SNX29: variants seen among roughly 807,000 people sequenced by gnomAD.
SNX29 encodes the protein sorting nexin 29.
SNX29 carries 78 observed loss-of-function variants against 102.1 expected under a neutral mutation model. The ratio of observed to expected loss-of-function variants is 0.76; its 90% CI spans 0.64 to 0.92. SNX29 has a LOEUF of 0.92. SNX29 is among the 40% of genes least tolerant of loss of function. The probability of loss-of-function intolerance (pLI) is 0.00; values close to 1 mark genes in which losing one functional copy is unlikely to be tolerated. For synonymous variants in SNX29, 580 were observed against 414.5 expected, an observed-to-expected ratio of 1.40 and a Z score of -4.85; for missense variants, 1,280 against 1,061.7, an observed-to-expected ratio of 1.21 and a Z score of -2.86.
intron 14 of SNX29, among the ~76,000 whole-genome samples, chr16:12,214,139 A>AG (rs869207229): frequency 9.4e-6 from 1 of 106,110 alleles, no homozygotes; most frequent in African/African-American, 2.9e-5. Context: ...CCTCCCTGGC[A>AG]GGGGCTTTCT....
chr16:12,039,440 G>A (rs2057567440), intron 4 of SNX29, among the ~76,000 whole-genome samples: 1 of 152,154 alleles, frequency 6.6e-6, no homozygotes, highest in African/African-American at 2.4e-5. Flanking sequence ...AGTTCTTGTT[G>A]TCTCTAGCTG....
At chr16:12,533,318 C>G (rs1160464662) in intron 20 of SNX29, among the ~76,000 whole-genome samples, 1 of 152,232 alleles carries the variant, frequency 6.6e-6, no homozygotes, top group Non-Finnish European at 1.5e-5. Context: ...TGTTCGTGGG[C>G]TGGTACCTGT....
chr16:12,458,018 T>C (rs183225297), intron 18 of SNX29, among the ~76,000 whole-genome samples: 31 of 152,332 alleles, frequency 2.0e-4, no homozygotes, highest in Admixed American at 1.6e-3. Flanking sequence ...CTGAAATGAT[T>C]ACTGCAAAAA....
intron 16 of SNX29, among the ~76,000 whole-genome samples, chr16:12,387,437 TC>T (rs1194510418): frequency 6.6e-6 from 1 of 150,674 alleles, no homozygotes; most frequent in African/African-American, 2.4e-5. Context: ...CAGGTTCCCA[TC>T]CAAGCTGAGC....
chr16:12,417,125 A>G (rs569943039), intron 18 of SNX29, among the ~76,000 whole-genome samples: 4 of 152,336 alleles, frequency 2.6e-5, no homozygotes, highest in African/African-American at 9.6e-5. Context: ...CTACCATTCC[A>G]TGAGACAATC....
intron 4 of SNX29, among the ~76,000 whole-genome samples, chr16:12,037,816 A>G (rs946969001): frequency 2.6e-5 from 4 of 151,976 alleles, no homozygotes; most frequent in African/African-American, 4.8e-5. Flanking sequence ...TTAGCCGTGT[A>G]TGGTGGTGTA....
chr16:12,445,493 C>G (rs1378943798), intron 18 of SNX29, among the ~76,000 whole-genome samples: 1 of 152,178 alleles, frequency 6.6e-6, no homozygotes, highest in African/African-American at 2.4e-5. Flanking sequence ...GCCCACCTTG[C>G]TCACAACACA....
rs190846226 is a variant in SNX29, at chr16:12,326,106, A to G, written c.1783-30057A>G. On this transcript the variant is annotated intron_variant, in intron 15 of 20. Coordinates refer to ENST00000566228, the MANE Select transcript of SNX29 (RefSeq NM_032167.5). ...AGTGGTGCGATCTTGGCTCACTGCA[A>G]CCTCTGCCTCCCGGGTTCAAGCGAT... is the stretch of plus-strand genomic sequence containing the variant. Among the ~76,000 whole-genome samples the G allele has an allele frequency of 9.1e-3, 1,371 of 150,956 alleles. 29 individuals carry two copies. Among genetic ancestry groups the G allele is most frequent in the African/African-American group, 0.032 (1,300 of 41,198 alleles).
At chr16:12,487,137 C>T (rs1197842167) in intron 19 of SNX29, among the ~76,000 whole-genome samples, 3 of 152,156 alleles carry the variant, frequency 2.0e-5, no homozygotes, top group Non-Finnish European at 4.4e-5. Flanking sequence ...GTGGTTACAT[C>T]TGTAAAGTGC....
intron 14 of SNX29, among the ~76,000 whole-genome samples, chr16:12,203,104 T>TGC (rs2076954694): frequency 2.0e-5 from 2 of 101,118 alleles, no homozygotes; most frequent in African/African-American, 3.9e-5. Flanking sequence ...TGTGGCCCCA[T>TGC]TCTCAGGTGG....
intron 9 of SNX29, among the ~76,000 whole-genome samples, chr16:12,067,374 G>T (rs931310665): frequency 6.6e-6 from 1 of 152,108 alleles, no homozygotes; most frequent in Non-Finnish European, 1.5e-5. Context: ...AAAGATGGAG[G>T]GAATGGCATG....
intron 14 of SNX29, among the ~76,000 whole-genome samples, chr16:12,211,036 T>C (rs1008013880): frequency 2.6e-5 from 4 of 152,154 alleles, no homozygotes; most frequent in African/African-American, 9.7e-5. Context: ...CTTCATAAGC[T>C]GTTTTTCCCA....
At position 11,996,871 on chromosome 16, in the gene SNX29, A is replaced by G. The variant is rs575429218; in HGVS notation, c.8-2426A>G. ...TTGAGATGCCTCATGGCTGGTGGGA[A>G]TGGTGCCTAGGCTATTCTTGATCGA... On this transcript the variant is annotated intron_variant, in intron 1 of 20. Coordinates refer to ENST00000566228, the MANE Select transcript of SNX29 (RefSeq NM_032167.5). 5.9e-5 allele frequency among the ~76,000 whole-genome samples: 9 copies of G among 152,278 alleles called. No individual in the cohort carries two copies. In the East Asian group the frequency reaches 1.5e-3, roughly 26 times the overall value.
At chr16:12,511,295 C>T (rs969747023) in intron 19 of SNX29, among the ~76,000 whole-genome samples, 17 of 152,234 alleles carry the variant, frequency 1.1e-4, no homozygotes, top group Non-Finnish European at 2.2e-4. Flanking sequence ...GGAACTCAAG[C>T]AGACGTGGCT....
chr16:12,419,569 C>A (rs201871366), intron 18 of SNX29, among the ~76,000 whole-genome samples: 10 of 151,886 alleles, frequency 6.6e-5, no homozygotes, highest in South Asian at 2.1e-4. Context: ...TCAGCCCCCC[C>A]CCCCATCTTT....
chr16:12,362,208 T>C (rs1247571369), intron 16 of SNX29, among the ~76,000 whole-genome samples: 1 of 152,232 alleles, frequency 6.6e-6, no homozygotes, highest in Non-Finnish European at 1.5e-5. Flanking sequence ...TTGCATAGTT[T>C]CCCGTTTTTG....
intron 20 of SNX29, chr16:12,556,278 G>C (rs1187463314): frequency 6.6e-6 from 1 of 152,152 alleles, no homozygotes; most frequent in African/African-American, 2.4e-5. Context: ...AGAAATCCGA[G>C]GTCCTGTGGG....
At chr16:12,008,085 A>G (rs2056517895) in intron 3 of SNX29, among the ~76,000 whole-genome samples, 1 of 152,060 alleles carries the variant, frequency 6.6e-6, no homozygotes, top group Non-Finnish European at 1.5e-5. Flanking sequence ...CTGGGACTAC[A>G]GACGCCCGCC....
At chr16:12,185,260 C>T (rs1479150057) in intron 13 of SNX29, among the ~76,000 whole-genome samples, 7 of 152,042 alleles carry the variant, frequency 4.6e-5, no homozygotes, top group African/African-American at 9.7e-5. Context: ...GGGGAGGGAT[C>T]TTTGGGGGAA....
Sources: allele counts gnomAD v4.1 joint callset (sites outside exome capture counted in the v4.1 genomes callset), GRCh38; gene constraint gnomAD v4.1.1; transcripts MANE v1.5; gene names NCBI Gene and HGNC (gene_info 2026-07-23, HGNC 2026-07-21).